CPPED1: variants seen among roughly 807,000 people sequenced by gnomAD.
The protein encoded by CPPED1 is calcineurin like phosphoesterase domain containing 1, also known as serine/threonine-protein phosphatase CPPED1.
CPPED1 carries 28 observed loss-of-function variants against 28.0 expected under a neutral mutation model. The observed-to-expected ratio is 1.00, with a 90% CI of 0.74 to 1.37. The LOEUF (loss-of-function observed/expected upper bound fraction) is 1.37, where lower values mean the gene tolerates loss of function less well. CPPED1 is among the 40% of genes most tolerant of loss of function. The pLI is 0.00. For synonymous variants in CPPED1, 198 were observed against 180.2 expected, an observed-to-expected ratio of 1.10 and a Z score of -0.79; for missense variants, 504 against 416.5, an observed-to-expected ratio of 1.21 and a Z score of -1.83.
chr16:12,799,048 G>A (rs753979589), intron 1 of CPPED1, among the ~76,000 whole-genome samples: 9 of 152,092 alleles, frequency 5.9e-5, no homozygotes, highest in Non-Finnish European at 8.8e-5. Flanking sequence ...GTAAATCACC[G>A]GTGGGAGGAA....
intron 2 of CPPED1, among the ~76,000 whole-genome samples, chr16:12,756,882 G>C (rs578088982): frequency 1.4e-3 from 213 of 150,258 alleles, no homozygotes; most frequent in Non-Finnish European, 2.6e-3. Flanking sequence ...TCTCCCAAAA[G>C]TGTTTCCCCC....
In CPPED1 at chr16:12,803,764, C is replaced by G; in HGVS notation, c.13G>C (p.Glu5Gln). The change falls in exon 1 of 4, where the codon GAG becomes CAG. Residue 5 changes from glutamate to glutamine, a missense_variant. Physicochemically the swap from Glu to Gln is conservative, Grantham distance 29. Coordinates refer to ENST00000381774, the MANE Select transcript of CPPED1 (RefSeq NM_018340.3). ...GCTCTGTGGAAAACACCCCCCGCCT[C>G]TGCAGCCGACATGGCGAGCGAGTTT... MSAA[E>Q]AGGVFHRARG... 1 of 1,600,802 alleles carries G rather than the reference C, an allele frequency of 6.2e-7. No homozygotes were observed. The highest frequency in any genetic ancestry group is 8.5e-7 in the Non-Finnish European group (1 of 1,174,642).
At chr16:12,699,019 G>A (rs1333316990) in intron 3 of CPPED1, among the ~76,000 whole-genome samples, 2 of 152,140 alleles carry the variant, frequency 1.3e-5, no homozygotes, top group Non-Finnish European at 2.9e-5. Context: ...TTTTAAGACT[G>A]AGCTTCTAAA....
At chr16:12,783,834 A>G (rs544571822) in intron 1 of CPPED1, among the ~76,000 whole-genome samples, 35 of 152,348 alleles carry the variant, frequency 2.3e-4, no homozygotes, top group African/African-American at 8.2e-4. Context: ...ACAATGGGCC[A>G]GAAGTCAATC....
At chr16:12,799,231 G>C (rs960417974) in intron 1 of CPPED1, among the ~76,000 whole-genome samples, 3 of 144,740 alleles carry the variant, frequency 2.1e-5, no homozygotes, top group Non-Finnish European at 4.5e-5. Context: ...GGCAAGAGAA[G>C]GGGAAAAGTC....
intron 2 of CPPED1, among the ~76,000 whole-genome samples, chr16:12,776,533 T>C (rs918635786): frequency 1.3e-5 from 2 of 152,186 alleles, no homozygotes; most frequent in Non-Finnish European, 2.9e-5. Context: ...CATGCTGTTG[T>C]CGTGACTGTG....
chr16:12,678,439 T>C (rs1025081860), intron 3 of CPPED1, among the ~76,000 whole-genome samples: 1 of 152,216 alleles, frequency 6.6e-6, no homozygotes, highest in African/African-American at 2.4e-5. Flanking sequence ...CTACAAATAA[T>C]AAAACTGCTA....
intron 1 of CPPED1, among the ~76,000 whole-genome samples, chr16:12,786,339 C>T (rs906036699): frequency 3.9e-5 from 6 of 152,224 alleles, no homozygotes; most frequent in African/African-American, 9.6e-5. Flanking sequence ...CCAAGGAACT[C>T]GAGTGGCCTG....
At chr16:12,775,032 C>G (rs2095298593) in intron 2 of CPPED1, among the ~76,000 whole-genome samples, 1 of 152,130 alleles carries the variant, frequency 6.6e-6, no homozygotes, top group South Asian at 2.1e-4. Flanking sequence ...GTTGTCCAGG[C>G]TAGTCTCCAA....
At chr16:12,690,990 G>A (rs886284252) in intron 3 of CPPED1, among the ~76,000 whole-genome samples, 4 of 152,166 alleles carry the variant, frequency 2.6e-5, no homozygotes, top group Non-Finnish European at 4.4e-5. Flanking sequence ...CGGGTATCCC[G>A]GCTCCTCTCT....
chr16:12,754,405 G>T (rs927487088), intron 2 of CPPED1, among the ~76,000 whole-genome samples: 5 of 151,374 alleles, frequency 3.3e-5, no homozygotes, highest in Admixed American at 1.3e-4. Context: ...TCCCCATCAT[G>T]AGACGGGCCC....
intron 3 of CPPED1, among the ~76,000 whole-genome samples, chr16:12,697,168 G>C (rs960923697): frequency 6.6e-5 from 10 of 152,004 alleles, no homozygotes; most frequent in Non-Finnish European, 1.3e-4. Context: ...AGGACTACAA[G>C]TGTGTGCCAT....
chr16:12,802,251 C>G (rs1291138522), intron 1 of CPPED1, among the ~76,000 whole-genome samples: 1 of 152,108 alleles, frequency 6.6e-6, no homozygotes, highest in Non-Finnish European at 1.5e-5. Context: ...GAATGTTGCC[C>G]AGCAAGAAAA....
intron 3 of CPPED1, among the ~76,000 whole-genome samples, chr16:12,693,701 G>A (rs1183525599): frequency 1.3e-5 from 2 of 152,054 alleles, no homozygotes; most frequent in African/African-American, 4.8e-5. Context: ...ACTAGTAGAC[G>A]GAATGAGCGT....
chr16:12,689,071 C>G (rs1162068234), intron 3 of CPPED1, among the ~76,000 whole-genome samples: 1 of 152,088 alleles, frequency 6.6e-6, no homozygotes, highest in African/African-American at 2.4e-5. Context: ...CAGTGTCCAA[C>G]AATGACAAGA....
chr16:12,783,300 A>C (rs1033781036), intron 1 of CPPED1, among the ~76,000 whole-genome samples: 6 of 152,092 alleles, frequency 3.9e-5, no homozygotes, highest in African/African-American at 1.4e-4. Context: ...GAATTTGAGA[A>C]CATCCTGGCC....
intron 2 of CPPED1, among the ~76,000 whole-genome samples, chr16:12,750,507 A>AT (rs985902491): frequency 6.6e-6 from 1 of 152,122 alleles, no homozygotes; most frequent in African/African-American, 2.4e-5. Flanking sequence ...GAACACACCC[A>AT]TTTATCTATT....
chr16:12,786,812 A>T (rs1401988218), intron 1 of CPPED1, among the ~76,000 whole-genome samples: 1 of 152,214 alleles, frequency 6.6e-6, no homozygotes, highest in African/African-American at 2.4e-5. Context: ...CCAGCTACTC[A>T]GGAGGCCGGA....
rs865871369 is a variant in CPPED1 at position 12,803,558 on chromosome 16, A to G, written c.70+149T>C. The G allele has an allele frequency of 8.0e-6, 5 of 623,176 alleles. No individual in the cohort carries two copies. The South Asian group carries it at 8.3e-5, about 10-fold the overall frequency. 38.6% of individuals were successfully genotyped at this position (623,176 alleles called of 1,614,324 possible). On this transcript the variant is annotated intron_variant, in intron 1 of 3. Transcript: ENST00000381774. The stretch of plus-strand genomic sequence containing the variant: ...CTGCGCCCCTGGAATCCCTAAGAGC[A>G]GGCTTTGATGCAGCTATGGCGGCTC...
Sources: allele counts gnomAD v4.1 joint callset (sites outside exome capture counted in the v4.1 genomes callset), GRCh38; gene constraint gnomAD v4.1.1; transcripts MANE v1.5; gene names NCBI Gene and HGNC (gene_info 2026-07-23, HGNC 2026-07-21).